Variants in LBP observed in about 807,000 individuals in gnomAD.
LBP encodes the protein lipopolysaccharide-binding protein.
A neutral mutation model predicts 56.6 loss-of-function variants in LBP; 53 were observed. That is an observed-to-expected ratio of 0.94 (90% CI 0.75 to 1.18). LBP has a LOEUF of 1.18. Among genes scored for constraint, LBP ranks in the 50% most tolerant of loss-of-function variants. The pLI, the probability that LBP is intolerant of heterozygous loss-of-function variation, is 0.00. For missense variants in LBP, 601 were observed against 598.3 expected, an observed-to-expected ratio of 1.00 and a Z score of -0.05; for synonymous variants, 227 against 247.5, an observed-to-expected ratio of 0.92 and a Z score of 0.78.
rs11536989 is a variant in LBP at position 38,372,337 on chromosome 20, G to A, written c.1261-735G>A. On this transcript the variant is annotated intron_variant, in intron 12 of 14. Coordinates refer to ENST00000217407, the MANE Select transcript of LBP (RefSeq NM_004139.5). ...TGGAAACAAACACAGAGGCGGTGGG[G>A]AGAGATGCAGGGACCCTGAAGCTAA... 4.4e-3 allele frequency among the ~76,000 whole-genome samples: 671 copies of A among 152,318 alleles called. 3 individuals carry two copies. Among genetic ancestry groups the A allele is most frequent in the Non-Finnish European group, 6.6e-3 (446 of 68,030 alleles).
At chr20:38,355,216 C>A (rs1027819170) in intron 4 of LBP, 130 bp from the exon 5 acceptor site, 1 of 773,096 alleles carries the variant, frequency 1.3e-6, no homozygotes. Flanking sequence ...TGTGCTGGGA[C>A]ACAGCAGGGC....
chr20:38,365,495 A>G (rs1182659595), intron 8 of LBP, among the ~76,000 whole-genome samples: 2 of 151,404 alleles, frequency 1.3e-5, no homozygotes, highest in Non-Finnish European at 2.9e-5. Context: ...TCACGAGTTC[A>G]AGACCAGCCT....
At chr20:38,361,984 T>G (rs2076861690) in intron 6 of LBP, among the ~76,000 whole-genome samples, 1 of 152,066 alleles carries the variant, frequency 6.6e-6, no homozygotes, top group South Asian at 2.1e-4. Flanking sequence ...CCAGAAGGCT[T>G]TCTTTGTTCA....
intron 10 of LBP, 146 bp downstream of exon 10, chr20:38,369,308 C>T: frequency 2.5e-6 from 2 of 797,716 alleles, no homozygotes; most frequent in East Asian, 2.7e-5. Context: ...GGCTTTCTTG[C>T]TGGCCCTTAC....
Position 38,364,659 on chromosome 20 carries a change from G to A in LBP, c.828G>A (p.Met276Ile), listed in dbSNP as rs1375165712. The A allele has an allele frequency of 6.2e-7, 1 of 1,613,980 alleles. No individual in the cohort carries two copies. The highest frequency in any genetic ancestry group is 8.5e-7 in the Non-Finnish European group (1 of 1,180,024). ...GCCTTCCTGAGGAACACAACAAAAT[G>A]GTCTACTTTGCCATCTCGGATTATG... The part of the protein sequence containing the change: ...VMSLPEEHNK[M>I]VYFAISDYVF... The change falls in exon 8 of 15, where the codon ATG (methionine) becomes ATA (isoleucine). Residue 276 changes from methionine to isoleucine, a missense_variant. Transcript: ENST00000217407.
At chr20:38,374,897 C>G (rs2076912759) in intron 14 of LBP, among the ~76,000 whole-genome samples, 1 of 149,702 alleles carries the variant, frequency 6.7e-6, no homozygotes, top group African/African-American at 2.5e-5. Flanking sequence ...GATTCTTGAG[C>G]CTGAGCCTCT....
At chr20:38,371,632 T>C (rs2076901175) in intron 12 of LBP, among the ~76,000 whole-genome samples, 1 of 152,100 alleles carries the variant, frequency 6.6e-6, no homozygotes, top group Admixed American at 6.5e-5. Context: ...AAAGCAAAAA[T>C]AAACGAAAAA....
chr20:38,362,750 C>A (rs978275069), intron 6 of LBP, among the ~76,000 whole-genome samples: 1 of 152,000 alleles, frequency 6.6e-6, no homozygotes, highest in Non-Finnish European at 1.5e-5. Context: ...GAGTTCAAGG[C>A]CAGCCCGGGC....
intron 2 of LBP, among the ~76,000 whole-genome samples, chr20:38,350,541 G>A (rs11536941): frequency 0.025 from 3,744 of 152,264 alleles, 73 homozygotes; most frequent in Non-Finnish European, 0.035. Flanking sequence ...GCAAAACCGT[G>A]AGCAATTGCA....
intron 11 of LBP, 79 bp from the exon 12 acceptor site, chr20:38,371,201 T>C (rs1234188293): frequency 1.7e-6 from 2 of 1,169,408 alleles, no homozygotes; most frequent in African/African-American, 1.6e-5. Context: ...AAGCCCATCC[T>C]TTCTCGCTTC....
At chr20:38,363,808 T>C (rs1293233497) in intron 6 of LBP, among the ~76,000 whole-genome samples, 167 bp from the exon 7 acceptor site, 3 of 152,146 alleles carry the variant, frequency 2.0e-5, no homozygotes, top group African/African-American at 7.2e-5. Context: ...TCCAAGGGAA[T>C]CCATGTAGTG....
At chr20:38,363,928 C>A in intron 6 of LBP, 47 bp from the exon 7 acceptor site, 1 of 1,376,780 alleles carries the variant, frequency 7.3e-7, no homozygotes, top group Non-Finnish European at 1.0e-6. Context: ...CCTCCAGCAG[C>A]TGAAAGTGTC....
Position 38,369,448 on chromosome 20 carries a change from A to G in LBP, c.1149+286A>G, listed in dbSNP as rs181253586. ...TTGTTTAATGCATGTATCTCTCACTATGTGAGTCTGGGCTATTGTGGGGAG... is the reference window on the plus strand; with the variant it reads ...TTGTTTAATGCATGTATCTCTCACTGTGTGAGTCTGGGCTATTGTGGGGAG... On this transcript the variant is annotated intron_variant, in intron 10 of 14. Transcript: ENST00000217407. Among the ~76,000 whole-genome samples the G allele has an allele frequency of 2.6e-5, 4 of 152,220 alleles. No homozygotes were observed. In the East Asian group the frequency reaches 5.8e-4, roughly 22 times the overall value.
In LBP at chr20:38,371,164, G is replaced by A. The variant is rs904483229; in HGVS notation, c.1218-116G>A. The A allele has an allele frequency of 2.0e-5, 15 of 744,124 alleles. No homozygotes were observed. The Admixed American group carries it at 3.4e-4, about 17-fold the overall frequency. 46.1% of individuals were successfully genotyped at this position (744,124 alleles called of 1,614,324 possible). A position where few individuals can be genotyped will look rare whatever the true frequency, so the allele number is the denominator to read the frequency against. ...AGTCATCTTTTCCACTCCTGCTCCC[G>A]CCCTACCTTTGGCCCTGTGCCTTCT... is the stretch of plus-strand genomic sequence containing the variant. On this transcript the variant is annotated intron_variant, in intron 11 of 14. Coordinates refer to ENST00000217407, the MANE Select transcript of LBP (RefSeq NM_004139.5).
chr20:38,349,903 C>G (rs1011345381), intron 2 of LBP, among the ~76,000 whole-genome samples: 2 of 152,080 alleles, frequency 1.3e-5, no homozygotes, highest in African/African-American at 4.8e-5. Flanking sequence ...GCCTTGATTT[C>G]CTTATCTGTA....
rs780677282 is a variant in LBP at position 38,349,633 on chromosome 20, C to T, written c.210C>T (p.His70=). ...PDFTGDLRIP[H]VGRGRYEFHS... Reference sequence around the variant, plus strand: ...TCACCGGGGACTTGAGGATCCCCCACGTCGGCCGTGGGCGCTATGAGTTCC... The same window carrying T: ...TCACCGGGGACTTGAGGATCCCCCATGTCGGCCGTGGGCGCTATGAGTTCC... The change falls in exon 2 of 15, where the codon CAC becomes CAT. Residue 70 remains histidine, a synonymous_variant. Coordinates refer to ENST00000217407, the MANE Select transcript of LBP (RefSeq NM_004139.5). 8.1e-6 allele frequency: 13 copies of T among 1,609,954 alleles called. No homozygotes were observed. The highest frequency in any genetic ancestry group is 1.1e-5 in the Non-Finnish European group (13 of 1,178,360).
chr20:38,360,890 C>T, intron 6 of LBP, 123 bp downstream of exon 6: 1 of 661,540 alleles, frequency 1.5e-6, no homozygotes. Context: ...GGGCCAGGCG[C>T]AGCGGCTCAC....
intron 6 of LBP, among the ~76,000 whole-genome samples, chr20:38,363,375 C>G (rs748628116): frequency 6.6e-6 from 1 of 152,168 alleles, no homozygotes; most frequent in East Asian, 1.9e-4. Flanking sequence ...GCTTTGCTGT[C>G]CCTTGCTATT....
intron 1 of LBP, among the ~76,000 whole-genome samples, chr20:38,348,577 C>T (rs998720073): frequency 6.6e-6 from 1 of 152,048 alleles, no homozygotes; most frequent in African/African-American, 2.4e-5. Flanking sequence ...GGATTACAGG[C>T]GTGAGCCACT....
Sources: allele counts gnomAD v4.1 joint callset (sites outside exome capture counted in the v4.1 genomes callset), GRCh38; gene constraint gnomAD v4.1.1; transcripts MANE v1.5; gene names NCBI Gene and HGNC (gene_info 2026-07-23, HGNC 2026-07-21).